The following ANKRD35 variants were observed in gnomAD, a reference collection of about 807,000 sequenced individuals.
ANKRD35 encodes the protein ankyrin repeat domain-containing protein 35.
Under a neutral mutation model 109.9 loss-of-function variants are expected in ANKRD35, and 102 were observed. The observed-to-expected ratio is 0.93, with a 90% CI of 0.79 to 1.09. The LOEUF (loss-of-function observed/expected upper bound fraction) is 1.09. Among genes scored for constraint, ANKRD35 ranks in the 50% least tolerant of loss-of-function variants. The pLI, the probability that ANKRD35 is intolerant of heterozygous loss-of-function variation, is 0.00. For synonymous variants in ANKRD35, 515 were observed against 512.4 expected (o/e 1.01, Z -0.07); for missense variants, 1,240 against 1,230.1 (o/e 1.01, Z -0.12).
intron 11 of ANKRD35, 32 bp downstream of exon 11, chr1:145,868,279 C>T: frequency 6.2e-7 from 1 of 1,607,128 alleles, no homozygotes; most frequent in Non-Finnish European, 8.5e-7. Flanking sequence ...TGACCTTCTT[C>T]TCCAGCACCA....
intron 7 of ANKRD35, among the ~76,000 whole-genome samples, chr1:145,875,466 C>T (rs1237406874): frequency 6.6e-6 from 1 of 151,780 alleles, no homozygotes; most frequent in Non-Finnish European, 1.5e-5. Context: ...TTTCAAATGC[C>T]ATTCCTTAGA....
At chr1:145,874,113 G>C in intron 9 of ANKRD35, 42 bp downstream of exon 9, 1 of 1,613,038 alleles carries the variant, frequency 6.2e-7, no homozygotes, top group Non-Finnish European at 8.5e-7. Flanking sequence ...GGATAGCCTG[G>C]GGTGTGTCAA....
chr1:145,879,114 CA>C, intron 2 of ANKRD35, 143 bp downstream of exon 2: 1 of 1,176,652 alleles, frequency 8.5e-7, no homozygotes, highest in Non-Finnish European at 1.1e-6. Flanking sequence ...TTATATGTAG[CA>C]AAAAACTATT....
chr1:145,873,743 C>T lies in ANKRD35; in HGVS notation c.1026G>A (p.Gln342=). 6.2e-7 allele frequency: 1 copy of T among 1,613,556 alleles called. No individual in the cohort carries two copies. Among genetic ancestry groups the T allele is most frequent in the Non-Finnish European group, 8.5e-7 (1 of 1,179,712 alleles). ...DLENQIREQA[Q]ELGVLLSWEP... ...CCCAGGATAGGAGGACCCCTAGCTC[C>T]TGCGCCTGCTCTCGAATCTGGTTCT... The change falls in exon 10 of 14, where the codon CAG becomes CAA. Residue 342 remains glutamine (Q), a synonymous_variant. Coordinates refer to ENST00000355594, the MANE Select transcript of ANKRD35 (RefSeq NM_144698.5).
chr1:145,867,940 C>A, intron 12 of ANKRD35, 51 bp downstream of exon 12: 1 of 1,568,084 alleles, frequency 6.4e-7, no homozygotes, highest in Non-Finnish European at 8.8e-7. Context: ...AATGCAATAC[C>A]CTATACTCAG....
rs993721426 is a variant in ANKRD35, at chr1:145,880,952, C to T, written c.40-1564G>A. 8.5e-5 allele frequency among the ~76,000 whole-genome samples: 13 copies of T among 152,246 alleles called. No individual in the cohort carries two copies. The Middle Eastern group carries it at 0.01, about 120-fold the overall frequency. On this transcript the variant is annotated intron_variant, in intron 1 of 13. Transcript: ENST00000355594. ...CAGAAGTATACCAAGATTAGATAAC[C>T]ATTCAAGATCACGAAAAAGAGTGGC...
intron 5 of ANKRD35, 72 bp from the exon 6 acceptor site, chr1:145,876,711 C>G: frequency 6.2e-7 from 1 of 1,610,302 alleles, no homozygotes; most frequent in Non-Finnish European, 8.5e-7. Context: ...AACATCCCCT[C>G]CGACCATTTC....
intron 10 of ANKRD35, among the ~76,000 whole-genome samples, chr1:145,870,343 C>G (rs927062453): frequency 6.6e-6 from 1 of 152,000 alleles, no homozygotes; most frequent in Middle Eastern, 3.4e-3. Flanking sequence ...CCGCCTGCCT[C>G]AGCCTCCCAA....
rs1553739349 is a variant in ANKRD35, at chr1:145,873,408, G to A, written c.1361C>T (p.Pro454Leu). ...AGCAGGCAGCTGGTCAGCATGATCA[G>A]GGCCAAAGGTCTGTGCCCCATTGGT... Reference protein sequence around the residue: ...LTTNGAQTFGPDHADQLPAGQ... With the variant: ...LTTNGAQTFGLDHADQLPAGQ... Residue 454 changes from proline (P) to leucine (L), a missense_variant, in exon 10 of 14, where the codon CCT becomes CTT. Physicochemically the swap from Pro to Leu is moderately conservative, Grantham distance 98. Transcript: ENST00000355594. 14 of 1,614,122 alleles carry A rather than the reference G, an allele frequency of 8.7e-6. No individual in the cohort carries two copies. Among genetic ancestry groups the A allele is most frequent in the Non-Finnish European group, 1.2e-5 (14 of 1,180,010 alleles).
chr1:145,872,001 C>T lies in ANKRD35; in HGVS notation c.2768G>A (p.Cys923Tyr). The change falls in exon 10 of 14, where the codon TGC becomes TAC. Residue 923 changes from cysteine (C) to tyrosine (Y), a missense_variant. Physicochemically the swap from Cys to Tyr is radical, Grantham distance 194. Transcript: ENST00000355594. ...GCTCACCTTGGCTTCCTTGTCTCGG[C>T]AAGCCCCAATGAGATGCTCCATCTT... ...KEKMEHLIGA[C>Y]RDKEAKIKEL... The T allele has an allele frequency of 6.2e-7, 1 of 1,611,752 alleles. No homozygotes were observed. The highest frequency in any genetic ancestry group is 8.5e-7 in the Non-Finnish European group (1 of 1,179,968).
In ANKRD35 at chr1:145,872,102, G is replaced by T; in HGVS notation, c.2667C>A (p.Ala889=). Reference sequence around the variant, plus strand: ...TCTCGCTGGCCTGGCGCTCTTGTTCGGCTGCCTGAGCGGCCAGGTCCCCGC... The same window carrying T: ...TCTCGCTGGCCTGGCGCTCTTGTTCTGCTGCCTGAGCGGCCAGGTCCCCGC... ...RRSGDLAAQA[A]EQERQASEMR... is the part of the protein sequence containing the mutation. Residue 889 remains alanine, a synonymous_variant, in exon 10 of 14, where the codon GCC becomes GCA. Transcript: ENST00000355594. 1 of 1,612,828 alleles carries T rather than the reference G, an allele frequency of 6.2e-7. No individual in the cohort carries two copies. Among genetic ancestry groups the T allele is most frequent in the Non-Finnish European group, 8.5e-7 (1 of 1,179,582 alleles).
chr1:145,883,786 T>C (rs1402479891), intron 1 of ANKRD35, among the ~76,000 whole-genome samples: 1 of 152,184 alleles, frequency 6.6e-6, no homozygotes, highest in Admixed American at 6.5e-5. Flanking sequence ...TCATGAGAAG[T>C]GTGGGGAAAT....
Position 145,867,340 on chromosome 1 carries a change from T to A in ANKRD35, c.2996A>T (p.Glu999Val), listed in dbSNP as rs1553737891. 1 of 1,613,984 alleles carries A rather than the reference T, an allele frequency of 6.2e-7. No individual in the cohort carries two copies. Among genetic ancestry groups the A allele is most frequent in the East Asian group, 2.2e-5 (1 of 44,880 alleles). The change falls in exon 13 of 14, where the codon GAA (glutamate) becomes GTA (valine). Residue 999 changes from glutamate to valine, a missense_variant. Glu to Val is a moderately radical substitution (Grantham distance 121, BLOSUM62 -2). Transcript: ENST00000355594. ...CACAGTGAGGCTGCCTCACTCCTCT[T>A]CCATGCTAAGGATTTGCAGCAGGAT... ...YNILLQILSM[E>V]EE
At chr1:145,877,580 G>C (rs1156904417) in intron 4 of ANKRD35, among the ~76,000 whole-genome samples, 1 of 152,168 alleles carries the variant, frequency 6.6e-6, no homozygotes, top group African/African-American at 2.4e-5. Flanking sequence ...TGATCCACAT[G>C]TCATTTTACA....
At chr1:145,869,123 A>C (rs1204239100) in intron 10 of ANKRD35, among the ~76,000 whole-genome samples, 1 of 152,230 alleles carries the variant, frequency 6.6e-6, no homozygotes, top group African/African-American at 2.4e-5. Context: ...ATTTAAAAAA[A>C]AAACAGCTTT....
Position 145,873,931 on chromosome 1 carries a change from C to G in ANKRD35, c.838G>C (p.Glu280Gln). The G allele has an allele frequency of 6.2e-7, 1 of 1,614,216 alleles. No individual in the cohort carries two copies. Among genetic ancestry groups the G allele is most frequent in the Non-Finnish European group, 8.5e-7 (1 of 1,180,044 alleles). The change falls in exon 10 of 14, where the codon GAG becomes CAG. Residue 280 changes from glutamate (E) to glutamine (Q), a missense_variant. Physicochemically the swap from Glu to Gln is conservative, Grantham distance 29. Coordinates refer to ENST00000355594, the MANE Select transcript of ANKRD35 (RefSeq NM_144698.5). ...TTCTCCTCTTGCTCCTCTTCAGGCT[C>G]TGCTCTCCATGAGCTCTTAGGAGGA... Reference protein sequence around the residue: ...GSPPKSSWRAEPEEEQEEKED... With the variant: ...GSPPKSSWRAQPEEEQEEKED...
Position 145,873,282 on chromosome 1 carries a change from C to T in ANKRD35, c.1487G>A (p.Arg496Lys). 3 of 1,614,164 alleles carry T rather than the reference C, an allele frequency of 1.9e-6. No individual in the cohort carries two copies. The highest frequency in any genetic ancestry group is 2.5e-6 in the Non-Finnish European group (3 of 1,179,996). Reference protein sequence around the residue: ...AAMNQLLLQLREELAAVWREK... With the variant: ...AAMNQLLLQLKEELAAVWREK... The stretch of plus-strand genomic sequence containing the variant: ...TCGCCACACTGCAGCAAGCTCCTCC[C>T]TTAGTTGAAGCAGAAGCTGGTTCAT... The change falls in exon 10 of 14, where the codon AGG (arginine) becomes AAG (lysine). Residue 496 changes from arginine (R) to lysine (K), a missense_variant. Arg to Lys is a conservative substitution (Grantham distance 26). Transcript: ENST00000355594.
chr1:145,874,677 C>G (rs1310509538), intron 8 of ANKRD35, 145 bp downstream of exon 8: 33 of 1,030,060 alleles, frequency 3.2e-5, no homozygotes, highest in Middle Eastern at 6.4e-4. Context: ...ATTTGGGGTC[C>G]TCTCACAGTA....
rs368563833 is a variant in ANKRD35 at position 145,878,033 on chromosome 1, C to T, written c.260-1G>A. Reference sequence around the variant, plus strand: ...GTGGCCAAGTGTAGGGCAGTGCTTCCTGGAACAGAAAGAAGGGGAGAAGGA... The same window carrying T: ...GTGGCCAAGTGTAGGGCAGTGCTTCTTGGAACAGAAAGAAGGGGAGAAGGA... On this transcript the variant is annotated splice_acceptor_variant, in intron 3 of 13. Transcript: ENST00000355594. LOFTEE classifies it high-confidence loss of function. 8.1e-6 allele frequency: 13 copies of T among 1,613,730 alleles called. No individual in the cohort carries two copies. Among genetic ancestry groups the T allele is most frequent in the African/African-American group, 4.0e-5 (3 of 74,880 alleles).
Sources: gnomAD v4.1 joint callset for allele counts (sites outside exome capture counted in the v4.1 genomes callset) on GRCh38, gnomAD v4.1.1 for gene constraint, MANE v1.5 for transcripts, NCBI Gene and HGNC (gene_info 2026-07-23, HGNC 2026-07-21) for gene names.